Variants in EXTL3 observed in about 807,000 individuals in gnomAD.
EXTL3 encodes exostosin like glycosyltransferase 3, also known as exostosin-like 3.
EXTL3 carries 27 observed loss-of-function variants against 69.3 expected under a neutral mutation model. The observed-to-expected ratio is 0.39, with a 90% CI of 0.29 to 0.54. The LOEUF is 0.54. Among genes scored for constraint, EXTL3 ranks in the 20% least tolerant of loss-of-function variants. The pLI, the probability that EXTL3 is intolerant of heterozygous loss-of-function variation, is 0.69. For synonymous variants in EXTL3, 511 were observed against 499.4 expected, an observed-to-expected ratio of 1.02 and a Z score of -0.31; for missense variants, 1,003 against 1,231.8, an observed-to-expected ratio of 0.81 and a Z score of 2.78.
chr8:28,670,589 G>A (rs1395018095), intron 1 of EXTL3, among the ~76,000 whole-genome samples: 3 of 152,152 alleles, frequency 2.0e-5, no homozygotes, highest in South Asian at 4.1e-4. Context: ...AGGAAGAAGC[G>A]ATGTCTCAGT....
chr8:28,640,941 T>A (rs1215527883), intron 1 of EXTL3, among the ~76,000 whole-genome samples: 1 of 152,216 alleles, frequency 6.6e-6, no homozygotes, highest in Non-Finnish European at 1.5e-5. Flanking sequence ...GTATGATTTT[T>A]TTTTTCTATT....
intron 5 of EXTL3, chr8:28,741,869 T>A (rs2130790970): frequency 6.6e-6 from 1 of 152,340 alleles, no homozygotes; most frequent in Non-Finnish European, 1.5e-5. Context: ...TACAAAAAAA[T>A]TTTATCATTA....
intron 5 of EXTL3, among the ~76,000 whole-genome samples, chr8:28,739,355 G>T (rs144818039): frequency 6.6e-6 from 1 of 152,090 alleles, no homozygotes; most frequent in African/African-American, 2.4e-5. Context: ...TTAAGACAGG[G>T]TCTCACTGTC....
At chr8:28,646,983 T>C (rs184284242) in intron 1 of EXTL3, among the ~76,000 whole-genome samples, 2 of 152,274 alleles carry the variant, frequency 1.3e-5, no homozygotes, top group East Asian at 3.9e-4. Flanking sequence ...CTTGGTTACT[T>C]CAGTGAACAA....
chr8:28,675,693 T>C (rs1390129659), intron 1 of EXTL3, among the ~76,000 whole-genome samples: 2 of 152,114 alleles, frequency 1.3e-5, no homozygotes, highest in Non-Finnish European at 2.9e-5. Context: ...TAAGCAGGGA[T>C]TCTCCATTTA....
chr8:28,709,582 T>C (rs1800991290), intron 1 of EXTL3, among the ~76,000 whole-genome samples: 1 of 152,138 alleles, frequency 6.6e-6, no homozygotes, highest in South Asian at 2.1e-4. Flanking sequence ...GATAATTTTC[T>C]GCATATAAAA....
intron 5 of EXTL3, among the ~76,000 whole-genome samples, chr8:28,739,662 G>A (rs1585293848): frequency 6.6e-6 from 1 of 152,166 alleles, no homozygotes; most frequent in African/African-American, 2.4e-5. Flanking sequence ...CTAAGCAGTC[G>A]TTAAACTTTC....
intron 1 of EXTL3, among the ~76,000 whole-genome samples, chr8:28,625,889 G>A (rs1468399507): frequency 6.6e-6 from 1 of 151,490 alleles, no homozygotes; most frequent in Non-Finnish European, 1.5e-5. Context: ...GGCCAGGCAC[G>A]GTGGCTCACG....
intron 1 of EXTL3, among the ~76,000 whole-genome samples, chr8:28,624,029 C>A (rs1194294806): frequency 6.6e-6 from 1 of 152,156 alleles, no homozygotes; most frequent in Non-Finnish European, 1.5e-5. Context: ...TAAGAAAATT[C>A]TCCTCATCCC....
At chr8:28,648,082 G>A (rs1217724843) in intron 1 of EXTL3, among the ~76,000 whole-genome samples, 1 of 152,100 alleles carries the variant, frequency 6.6e-6, no homozygotes, top group African/African-American at 2.4e-5. Context: ...ATGAATATTG[G>A]ATAATGGATT....
At chr8:28,703,779 C>T (rs752995007) in intron 1 of EXTL3, among the ~76,000 whole-genome samples, 2 of 152,212 alleles carry the variant, frequency 1.3e-5, no homozygotes, top group Non-Finnish European at 2.9e-5. Context: ...CGTCCTAAAA[C>T]TGCCTACTCC....
At chr8:28,616,121 T>A (rs1806326864) in intron 2 of EXTL3, among the ~76,000 whole-genome samples, 1 of 151,996 alleles carries the variant, frequency 6.6e-6, no homozygotes, top group South Asian at 2.1e-4. Context: ...TTGTGAAAAA[T>A]GTAATGAAGT....
chr8:28,683,929 C>T (rs1354736205), intron 1 of EXTL3, among the ~76,000 whole-genome samples: 1 of 152,126 alleles, frequency 6.6e-6, no homozygotes, highest in Non-Finnish European at 1.5e-5. Flanking sequence ...TCCCCCACCG[C>T]TGCCCTTTCT....
At chr8:28,743,007 C>T (rs767721535) in intron 5 of EXTL3, 79 bp from the exon 6 acceptor site, 314 of 1,533,076 alleles carry the variant, frequency 2.0e-4, no homozygotes, top group Non-Finnish European at 2.6e-4. Context: ...ACAGCCCCTC[C>T]ATCCATGCAT....
intron 1 of EXTL3, among the ~76,000 whole-genome samples, chr8:28,695,343 G>T (rs1280516986): frequency 6.6e-6 from 1 of 152,048 alleles, no homozygotes; most frequent in African/African-American, 2.4e-5. Context: ...TGGTCAGGCT[G>T]GTCTTGAACT....
upstream of EXTL3, among the ~76,000 whole-genome samples, chr8:28,621,964 A>G (rs994831829): frequency 5.9e-5 from 9 of 152,110 alleles, no homozygotes; most frequent in African/African-American, 2.2e-4. Flanking sequence ...CTCATTTTTC[A>G]CTACATTTTT....
In EXTL3 at chr8:28,717,886, G is replaced by T. The variant is rs891358223; in HGVS notation, c.1827G>T (p.Gly609=). 6.2e-7 allele frequency: 1 copy of T among 1,614,128 alleles called. No homozygotes were observed. Among genetic ancestry groups the T allele is most frequent in the Non-Finnish European group, 8.5e-7 (1 of 1,179,964 alleles). Reference sequence around the variant, plus strand: ...ACCGCAGCTGGAACTGTGCTCCAGGGCCTTTCCATCTTTTCCCCCACACTC... The same window carrying T: ...ACCGCAGCTGGAACTGTGCTCCAGGTCCTTTCCATCTTTTCCCCCACACTC... ...DFYRSWNCAP[G]PFHLFPHTPF... Residue 609 remains glycine, a synonymous_variant, in exon 3 of 7, where the codon GGG becomes GGT. Transcript: ENST00000220562. The surrounding 1 kb of genome is among the most constrained non-coding windows in gnomAD (Gnocchi z 8.3).
At chr8:28,660,877 TTTA>T (rs1807100824) in intron 1 of EXTL3, among the ~76,000 whole-genome samples, 1 of 137,770 alleles carries the variant, frequency 7.3e-6, no homozygotes, top group East Asian at 2.1e-4. Flanking sequence ...CTATTGCTAT[TTTA>T]ATGGGGAAAG....
chr8:28,661,936 GT>G (rs1807122925), intron 1 of EXTL3, among the ~76,000 whole-genome samples: 1 of 150,606 alleles, frequency 6.6e-6, no homozygotes, highest in Non-Finnish European at 1.5e-5. Context: ...ATTACATATT[GT>G]TTCACATATT....
Sources: gnomAD v4.1 joint callset for allele counts (sites outside exome capture counted in the v4.1 genomes callset) on GRCh38, gnomAD v4.1.1 for gene constraint, Gnocchi (gnomAD v3.1) non-coding constraint, MANE v1.5 for transcripts, NCBI Gene and HGNC (gene_info 2026-07-23, HGNC 2026-07-21) for gene names.